KIAA1549L: variants seen among roughly 807,000 people sequenced by gnomAD.
The protein encoded by KIAA1549L is KIAA1549 like, also known as UPF0606 protein KIAA1549L.
KIAA1549L carries 88 observed loss-of-function variants against 160.7 expected under a neutral mutation model. The ratio of observed to expected loss-of-function variants is 0.55; its 90% CI spans 0.46 to 0.65. The LOEUF (loss-of-function observed/expected upper bound fraction) is 0.65, where lower values mean the gene tolerates loss of function less well. Ranked by LOEUF, KIAA1549L falls within the 30% of genes least tolerant of loss-of-function variation. KIAA1549L has a pLI of 0.00. For synonymous variants in KIAA1549L, 950 were observed against 976.7 expected, an observed-to-expected ratio of 0.97 and a Z score of 0.51; for missense variants, 2,258 against 2,437.5, an observed-to-expected ratio of 0.93 and a Z score of 1.55.
At position 33,591,322 on chromosome 11, in the gene KIAA1549L, T is replaced by G. The variant is rs2133287322; in HGVS notation, c.4652T>G (p.Val1551Gly). The G allele has an allele frequency of 6.2e-7, 1 of 1,613,476 alleles. No homozygotes were observed. The highest frequency in any genetic ancestry group is 2.2e-5 in the East Asian group (1 of 44,852). The change falls in exon 12 of 21, where the codon GTG (valine) becomes GGG (glycine). Residue 1551 changes from valine to glycine, a missense_variant. Physicochemically the swap from Val to Gly is moderately radical, Grantham distance 109. Coordinates refer to ENST00000658780, the MANE Select transcript of KIAA1549L (RefSeq NM_012194.3). The stretch of plus-strand genomic sequence containing the variant: ...GTCATCCCTGTGACTCAGGAGACAG[T>G]GGTTCTCCCACTGCCCATTAGAGAT... ...EEVIPVTQET[V>G]VLPLPIRDAP...
chr11:33,641,538 T>C (rs1851578802), intron 16 of KIAA1549L, among the ~76,000 whole-genome samples: 1 of 135,824 alleles, frequency 7.4e-6, no homozygotes, highest in Non-Finnish European at 1.5e-5. Context: ...TTTGACTCTG[T>C]CAGAGCCCAC....
chr11:33,565,901 C>A (rs114771418), intron 8 of KIAA1549L, among the ~76,000 whole-genome samples: 24 of 152,002 alleles, frequency 1.6e-4, no homozygotes, highest in Non-Finnish European at 3.5e-4. Flanking sequence ...GTAGCCCAGG[C>A]TACTTGGAGG....
intron 1 of KIAA1549L, among the ~76,000 whole-genome samples, chr11:33,485,237 T>C (rs1170955722): frequency 6.6e-6 from 1 of 152,178 alleles, no homozygotes; most frequent in Non-Finnish European, 1.5e-5. Flanking sequence ...CCCTTTCGAG[T>C]CCCAAAATTT....
chr11:33,598,999 G>GCA, intron 13 of KIAA1549L, 52 bp downstream of exon 13: 1 of 1,599,072 alleles, frequency 6.3e-7, no homozygotes. Context: ...ACGCGTGCCC[G>GCA]CACACACATG....
chr11:33,631,357 G>A (rs1188618716), intron 16 of KIAA1549L, among the ~76,000 whole-genome samples: 1 of 152,126 alleles, frequency 6.6e-6, no homozygotes, highest in Non-Finnish European at 1.5e-5. Context: ...CTCATCTCCG[G>A]GTTTTTGCAT....
intron 1 of KIAA1549L, among the ~76,000 whole-genome samples, chr11:33,535,826 T>C (rs565297288): frequency 3.3e-4 from 51 of 152,322 alleles, no homozygotes; most frequent in African/African-American, 1.2e-3. Flanking sequence ...TTCAGTGCCT[T>C]CCTAAAGTGT....
intron 1 of KIAA1549L, among the ~76,000 whole-genome samples, chr11:33,532,580 C>T (rs1042314043): frequency 6.6e-6 from 1 of 152,208 alleles, no homozygotes; most frequent in Non-Finnish European, 1.5e-5. Context: ...TCCAAGGTTA[C>T]TCAGTTAGCA....
intron 17 of KIAA1549L, among the ~76,000 whole-genome samples, chr11:33,652,137 C>A (rs950414515): frequency 6.6e-6 from 1 of 151,638 alleles, no homozygotes; most frequent in African/African-American, 2.4e-5. Flanking sequence ...CAGCCAGCAT[C>A]GTGGCACTGG....
chr11:33,418,564 C>A (rs1850933203), intron 1 of KIAA1549L, among the ~76,000 whole-genome samples: 1 of 152,204 alleles, frequency 6.6e-6, no homozygotes, highest in Non-Finnish European at 1.5e-5. Context: ...AACGTAACAA[C>A]CTCGCCTCGT....
At chr11:33,405,527 T>A (rs972550249) in intron 1 of KIAA1549L, among the ~76,000 whole-genome samples, 2 of 147,116 alleles carry the variant, frequency 1.4e-5, no homozygotes, top group East Asian at 2.0e-4. Context: ...TTTTTTTTTT[T>A]AACATAATAC....
chr11:33,644,834 C>T (rs1413961832), intron 16 of KIAA1549L, among the ~76,000 whole-genome samples: 1 of 152,240 alleles, frequency 6.6e-6, no homozygotes, highest in Non-Finnish European at 1.5e-5. Flanking sequence ...GATTCATGCA[C>T]GTCCAGACTG....
At chr11:33,412,023 A>C (rs568914643) in intron 1 of KIAA1549L, among the ~76,000 whole-genome samples, 5 of 152,298 alleles carry the variant, frequency 3.3e-5, no homozygotes, top group Non-Finnish European at 7.4e-5. Context: ...TGACAATTGC[A>C]GGTCTGAAAT....
At chr11:33,379,383 CTCCATTAGACTCCTAACT>C (rs1488221753) in intron 1 of KIAA1549L, among the ~76,000 whole-genome samples, 2 of 152,106 alleles carry the variant, frequency 1.3e-5, no homozygotes, top group Non-Finnish European at 2.9e-5. Flanking sequence ...CTTCACTGCC[CTCCATTAGACTCCTAACT>C]TCCATCTCCG....
At chr11:33,457,861 C>T (rs1300185420) in intron 1 of KIAA1549L, among the ~76,000 whole-genome samples, 1 of 152,206 alleles carries the variant, frequency 6.6e-6, no homozygotes, top group South Asian at 2.1e-4. Flanking sequence ...TTGTATGTCT[C>T]CATGGGACAG....
At chr11:33,418,590 T>C (rs904630258) in intron 1 of KIAA1549L, among the ~76,000 whole-genome samples, 3 of 152,182 alleles carry the variant, frequency 2.0e-5, no homozygotes, top group Non-Finnish European at 2.9e-5. Context: ...ACAAGTTTCA[T>C]GAGTTGGATT....
intron 18 of KIAA1549L, 95 bp downstream of exon 18, chr11:33,656,204 A>G: frequency 1.1e-6 from 1 of 876,846 alleles, no homozygotes; most frequent in South Asian, 1.4e-5. Context: ...AATTTCCTTC[A>G]TGCTCCACCC....
At position 33,656,129 on chromosome 11, in the gene KIAA1549L, G is replaced by C; in HGVS notation, c.5858+20G>C. 6.3e-7 allele frequency: 1 copy of C among 1,586,936 alleles called. No homozygotes were observed. ...CAGGCGGTAACACGTTCCTTTCTTT[G>C]TTTTGTTTGGAATATTTGGAAAAGG... On this transcript the variant is annotated intron_variant, in intron 18 of 20. Coordinates refer to ENST00000658780, the MANE Select transcript of KIAA1549L (RefSeq NM_012194.3).
At chr11:33,657,838 AC>A (rs1852119677) in intron 18 of KIAA1549L, among the ~76,000 whole-genome samples, 1 of 152,110 alleles carries the variant, frequency 6.6e-6, no homozygotes, top group African/African-American at 2.4e-5. Flanking sequence ...GGTAGCTGGA[AC>A]CCAGACCTCT....
intron 11 of KIAA1549L, among the ~76,000 whole-genome samples, chr11:33,588,214 T>G (rs1024956754): frequency 5.3e-5 from 8 of 152,182 alleles, no homozygotes; most frequent in African/African-American, 1.7e-4. Context: ...CTGAGCCGCT[T>G]GAGGGTGAGG....
Sources: gnomAD v4.1 joint callset for allele counts (sites outside exome capture counted in the v4.1 genomes callset) on GRCh38, gnomAD v4.1.1 for gene constraint, MANE v1.5 for transcripts, NCBI Gene and HGNC (gene_info 2026-07-23, HGNC 2026-07-21) for gene names.